Variants in SMIM35 observed in about 807,000 individuals in gnomAD.
The protein encoded by SMIM35 is small integral membrane protein 35.
At chr11:118,032,132 A>G (rs1489604988) in intron 1 of SMIM35, among the ~76,000 whole-genome samples, 1 of 152,194 alleles carries the variant, frequency 6.6e-6, no homozygotes, top group Non-Finnish European at 1.5e-5. Flanking sequence ...TCAAGAGAAG[A>G]TTGAGAAAAT....
At chr11:118,028,602 A>T (rs1487681546) in intron 1 of SMIM35, 1 of 235,328 alleles carries the variant, frequency 4.2e-6, no homozygotes, top group Non-Finnish European at 8.6e-6. Context: ...TAAAATGTTG[A>T]CATGGGAAAC....
intron 1 of SMIM35, among the ~76,000 whole-genome samples, chr11:118,041,507 A>G (rs1262827505): frequency 6.6e-6 from 1 of 152,246 alleles, no homozygotes; most frequent in African/African-American, 2.4e-5. Context: ...ATAAATGGGA[A>G]TAATTCTACA....
intron 1 of SMIM35, among the ~76,000 whole-genome samples, chr11:118,047,272 C>A (rs1246984168): frequency 6.6e-6 from 1 of 152,224 alleles, no homozygotes; most frequent in Admixed American, 6.5e-5. Flanking sequence ...TATTGGCGAT[C>A]TCATCTGTTT....
At chr11:118,014,460 G>A (rs2058168121) in intron 3 of SMIM35, among the ~76,000 whole-genome samples, 1 of 152,012 alleles carries the variant, frequency 6.6e-6, no homozygotes, top group South Asian at 2.1e-4. Flanking sequence ...GTGGATGGAT[G>A]TTCCCTGCCT....
intron 1 of SMIM35, among the ~76,000 whole-genome samples, chr11:118,024,802 A>T (rs2058260596): frequency 6.6e-6 from 1 of 152,048 alleles, no homozygotes; most frequent in African/African-American, 2.4e-5. Flanking sequence ...CAGGAAGTAG[A>T]TGTACAGGTT....
chr11:118,009,460 C>T (rs1225896567), intron 4 of SMIM35, among the ~76,000 whole-genome samples: 2 of 152,092 alleles, frequency 1.3e-5, no homozygotes, highest in African/African-American at 4.8e-5. Flanking sequence ...GATATGTGCT[C>T]AGCAAATGTT....
chr11:118,069,538 G>C (rs527711706), intron 1 of SMIM35, among the ~76,000 whole-genome samples: 1 of 152,272 alleles, frequency 6.6e-6, no homozygotes, highest in African/African-American at 2.4e-5. Context: ...ATAAAGGAGA[G>C]ATCTCCCAGG....
chr11:118,085,820 A>G (rs527342907), intron 1 of SMIM35, among the ~76,000 whole-genome samples: 1 of 152,218 alleles, frequency 6.6e-6, no homozygotes, highest in Non-Finnish European at 1.5e-5. Flanking sequence ...AGATGGTGGC[A>G]CCTTCCTTCC....
chr11:118,015,936 A>C lies in SMIM35; in HGVS notation c.8-127T>G, dbSNP rs1192573616. ...ACTGTCCCCTGGGAGCCTTGCTCTGAGCCCAGTGATTCAGCCCAGCTATAC... is the reference window on the plus strand; with the variant it reads ...ACTGTCCCCTGGGAGCCTTGCTCTGCGCCCAGTGATTCAGCCCAGCTATAC... On this transcript the variant is annotated intron_variant, in intron 1 of 4. Coordinates refer to ENST00000689828, the MANE Select transcript of SMIM35 (RefSeq NM_001394165.1). The C allele has an allele frequency of 1.6e-4, 62 of 397,732 alleles. No individual in the cohort carries two copies. The East Asian group carries it at 2.1e-3, about 14-fold the overall frequency. 24.6% of individuals were successfully genotyped at this position (397,732 alleles called of 1,614,324 possible). A position where few individuals can be genotyped will look rare whatever the true frequency, so the allele number is the denominator to read the frequency against.
intron 1 of SMIM35, among the ~76,000 whole-genome samples, chr11:118,076,446 TAAAAAAAGAAAA>T (rs1944690503): frequency 6.6e-6 from 1 of 151,430 alleles, no homozygotes; most frequent in Admixed American, 6.6e-5. Context: ...GACCCTGTCT[TAAAAAAAGAAAA>T]GAAAAAAAGA....
chr11:118,017,578 A>G (rs1160995113), intron 1 of SMIM35, among the ~76,000 whole-genome samples: 1 of 152,232 alleles, frequency 6.6e-6, no homozygotes, highest in East Asian at 1.9e-4. Flanking sequence ...AGCATTGTGA[A>G]GGGAGAGAGC....
intron 1 of SMIM35, among the ~76,000 whole-genome samples, chr11:118,021,043 T>C (rs1043257819): frequency 7.6e-5 from 11 of 145,514 alleles, no homozygotes; most frequent in African/African-American, 2.4e-4. Context: ...ATTCACAGGG[T>C]AAGGTTTTTT....
In SMIM35 at chr11:118,055,839, G is replaced by A. The variant is rs1015400122; in HGVS notation, c.7+30912C>T. ...GTGGAGAGAAAGAGGAGCTGAGATAGCACACAGTGACAGGTAATCTGTGCT... is the reference window on the plus strand; with the variant it reads ...GTGGAGAGAAAGAGGAGCTGAGATAACACACAGTGACAGGTAATCTGTGCT... On this transcript the variant is annotated intron_variant, in intron 1 of 4. Transcript: ENST00000689828. Among the ~76,000 whole-genome samples, 14 of 152,154 alleles carry A rather than the reference G, an allele frequency of 9.2e-5. 1 individual carries two copies.
rs201503738 is a variant in SMIM35 at position 118,077,308 on chromosome 11, G to A, written c.7+9443C>T. On this transcript the variant is annotated intron_variant, in intron 1 of 4. Transcript: ENST00000689828. ...GGGAGGATCACAGAGCCAGCATGGT[G>A]AGTGTGGGGCCCTCTGCTCCCAAGA... The A allele has an allele frequency of 5.8e-5, 93 of 1,601,250 alleles. No homozygotes were observed. The Middle Eastern group carries it at 3.3e-3, about 57-fold the overall frequency.
chr11:118,066,230 G>C (rs573057580), intron 1 of SMIM35, among the ~76,000 whole-genome samples: 1 of 152,010 alleles, frequency 6.6e-6, no homozygotes, highest in African/African-American at 2.4e-5. Flanking sequence ...GAAATACCCC[G>C]GGATTGGATC....
chr11:118,083,970 G>C (rs568019890), intron 1 of SMIM35, among the ~76,000 whole-genome samples: 35 of 152,076 alleles, frequency 2.3e-4, no homozygotes, highest in Non-Finnish European at 4.1e-4. Flanking sequence ...CCTGGGAGGT[G>C]GTGGTTGCAG....
At chr11:118,069,661 A>G (rs1387352057) in intron 1 of SMIM35, among the ~76,000 whole-genome samples, 1 of 152,196 alleles carries the variant, frequency 6.6e-6, no homozygotes, top group Non-Finnish European at 1.5e-5. Flanking sequence ...TCTCCAATGA[A>G]TAGTGTTGGG....
chr11:118,052,193 C>A (rs999017261), intron 1 of SMIM35, among the ~76,000 whole-genome samples: 1 of 152,208 alleles, frequency 6.6e-6, no homozygotes, highest in African/African-American at 2.4e-5. Flanking sequence ...CCACCCACGT[C>A]CCCCAACAGC....
intron 1 of SMIM35, among the ~76,000 whole-genome samples, chr11:118,054,592 G>A (rs964156381): frequency 1.3e-5 from 2 of 152,014 alleles, no homozygotes; most frequent in African/African-American, 4.8e-5. Flanking sequence ...TGGTTCATCT[G>A]CTCATAACTC....
Sources: allele counts gnomAD v4.1 joint callset (sites outside exome capture counted in the v4.1 genomes callset), GRCh38; gene constraint gnomAD v4.1.1; transcripts MANE v1.5; gene names NCBI Gene and HGNC (gene_info 2026-07-23, HGNC 2026-07-21).